The following TARS3 variants were observed in gnomAD, a reference collection of about 807,000 sequenced individuals.
The protein encoded by TARS3 is threonine--tRNA ligase 2, cytoplasmic.
TARS3 carries 94 observed loss-of-function variants against 103.5 expected under a neutral mutation model. The ratio of observed to expected loss-of-function variants is 0.91; its 90% CI spans 0.77 to 1.08. TARS3 has a LOEUF of 1.08. Among genes scored for constraint, TARS3 ranks in the 50% least tolerant of loss-of-function variants. The pLI is 0.00. For missense variants in TARS3, 952 were observed against 995.2 expected, an observed-to-expected ratio of 0.96 and a Z score of 0.58; for synonymous variants, 416 against 355.4, an observed-to-expected ratio of 1.17 and a Z score of -1.92.
At chr15:101,720,930 G>C (rs1043896274) in intron 3 of TARS3, among the ~76,000 whole-genome samples, 196 bp downstream of exon 3, 12 of 152,168 alleles carry the variant, frequency 7.9e-5, no homozygotes, top group African/African-American at 2.9e-4. Flanking sequence ...ACGACTGTAA[G>C]TTTCCTGAAG....
intron 10 of TARS3, among the ~76,000 whole-genome samples, chr15:101,692,164 G>C (rs1336906852): frequency 6.6e-6 from 1 of 152,244 alleles, no homozygotes; most frequent in Non-Finnish European, 1.5e-5. Flanking sequence ...TAGTGGAAGA[G>C]AGAGGTCTGG....
At chr15:101,662,115 C>G (rs1429636327) in intron 15 of TARS3, among the ~76,000 whole-genome samples, 1 of 152,216 alleles carries the variant, frequency 6.6e-6, no homozygotes, top group African/African-American at 2.4e-5. Flanking sequence ...CCAATCTCAT[C>G]TGATCCAAAT....
Position 101,701,190 on chromosome 15 carries a change from T to C in TARS3, c.1222-6A>G, listed in dbSNP as rs753391919. On this transcript the variant is annotated splice_region_variant and splice_polypyrimidine_tract_variant and intron_variant, in intron 9 of 18. Coordinates refer to ENST00000335968, the MANE Select transcript of TARS3 (RefSeq NM_152334.3). Reference sequence around the variant, plus strand: ...AAAAAGAAAAGTTCTTGTTCCTAGATTGAAACAAAAATTGCATTTCAAATG... The same window carrying C: ...AAAAAGAAAAGTTCTTGTTCCTAGACTGAAACAAAAATTGCATTTCAAATG... 4.4e-6 allele frequency: 7 copies of C among 1,573,456 alleles called. No homozygotes were observed. The highest frequency in any genetic ancestry group is 6.0e-6 in the Non-Finnish European group (7 of 1,163,734).
At chr15:101,678,807 T>C (rs1667411872) in intron 12 of TARS3, among the ~76,000 whole-genome samples, 1 of 152,194 alleles carries the variant, frequency 6.6e-6, no homozygotes, top group South Asian at 2.1e-4. Context: ...TTTTCATCAT[T>C]TCCTTTCTGT....
At chr15:101,712,138 A>C in intron 4 of TARS3, 137 bp from the exon 5 acceptor site, 1 of 905,128 alleles carries the variant, frequency 1.1e-6, no homozygotes, top group Non-Finnish European at 1.6e-6. Flanking sequence ...ACTTGAAAGG[A>C]AAATCTTCGA....
chr15:101,659,612 C>T (rs964366715), intron 16 of TARS3, among the ~76,000 whole-genome samples: 1 of 152,206 alleles, frequency 6.6e-6, no homozygotes, highest in African/African-American at 2.4e-5. Context: ...TCTCCATCTC[C>T]TATTTCACTA....
At chr15:101,705,345 C>T (rs965036198) in intron 7 of TARS3, among the ~76,000 whole-genome samples, 3 of 152,072 alleles carry the variant, frequency 2.0e-5, no homozygotes, top group African/African-American at 7.2e-5. Flanking sequence ...GAATCACTGC[C>T]GAGGAGATGG....
chr15:101,707,031 A>G (rs1899601443), intron 6 of TARS3, among the ~76,000 whole-genome samples: 1 of 152,252 alleles, frequency 6.6e-6, no homozygotes, highest in Non-Finnish European at 1.5e-5. Context: ...ACATTTCTCC[A>G]AAGACATTTC....
intron 10 of TARS3, among the ~76,000 whole-genome samples, chr15:101,698,515 T>C (rs1414691054): frequency 6.6e-6 from 1 of 152,136 alleles, no homozygotes; most frequent in African/African-American, 2.4e-5. Context: ...CCTGGGGCAG[T>C]GATGACCGGT....
intron 3 of TARS3, 80 bp from the exon 4 acceptor site, chr15:101,715,043 G>A (rs866072744): frequency 2.7e-6 from 3 of 1,098,142 alleles, no homozygotes; most frequent in Middle Eastern, 2.3e-4. Flanking sequence ...AATTTCTAGG[G>A]TTTTTTTTTT....
At chr15:101,714,786 G>A (rs1452943274) in intron 4 of TARS3, 54 bp downstream of exon 4, 5 of 1,562,750 alleles carry the variant, frequency 3.2e-6, no homozygotes, top group East Asian at 4.5e-5. Flanking sequence ...CTTATATAAT[G>A]TAGTTTACAA....
intron 3 of TARS3, among the ~76,000 whole-genome samples, chr15:101,715,178 G>C (rs4965917): frequency 6.9e-6 from 1 of 144,186 alleles, no homozygotes; most frequent in South Asian, 2.2e-4. Flanking sequence ...ACGGAGTCTC[G>C]CTCTGTCGCC....
chr15:101,671,888 A>G, intron 13 of TARS3, 140 bp from the exon 14 acceptor site: 1 of 714,918 alleles, frequency 1.4e-6, no homozygotes, highest in Non-Finnish European at 2.3e-6. Context: ...TACATTCAAT[A>G]AACTATTGAG....
chr15:101,705,847 T>A, intron 6 of TARS3, 100 bp from the exon 7 acceptor site: 1 of 984,022 alleles, frequency 1.0e-6, no homozygotes, highest in East Asian at 2.6e-5. Flanking sequence ...CATCTACTGA[T>A]GTTCTAGGTG....
At position 101,691,967 on chromosome 15, in the gene TARS3, T is replaced by C. The variant is rs946112258; in HGVS notation, c.1321-5905A>G. Among the ~76,000 whole-genome samples, 58 of 152,216 alleles carry C rather than the reference T, an allele frequency of 3.8e-4. 1 individual carries two copies. The highest frequency in any genetic ancestry group is 2.9e-5 in the Non-Finnish European group (2 of 68,044). On this transcript the variant is annotated intron_variant, in intron 10 of 18. Transcript: ENST00000335968. ...GGCGAGAATTACATCTCCAACTTTCTTGGACCCTCAGATCATGGGATTTCT... is the reference window on the plus strand; with the variant it reads ...GGCGAGAATTACATCTCCAACTTTCCTGGACCCTCAGATCATGGGATTTCT...
chr15:101,654,568 A>G lies in TARS3; in HGVS notation c.*14T>C. 1 of 1,604,430 alleles carries G rather than the reference A, an allele frequency of 6.2e-7. No homozygotes were observed. The highest frequency in any genetic ancestry group is 8.5e-7 in the Non-Finnish European group (1 of 1,177,558). ...AAAACAAAGTTACACAGAAGCAAAT[A>G]TCAGGGAAGGACTTCAAAAGGCCTC... On this transcript the variant is annotated 3_prime_UTR_variant, in exon 19 of 19. Transcript: ENST00000335968.
At position 101,675,609 on chromosome 15, in the gene TARS3, C is replaced by T. The variant is rs747303996; in HGVS notation, c.1779G>A (p.Glu593=). 2.2e-5 allele frequency: 36 copies of T among 1,613,026 alleles called. No individual in the cohort carries two copies. The African/African-American group carries it at 4.1e-4, about 19-fold the overall frequency. ...AAGGTGTGTCTCTTACCTTCTCAGCCTCATTCCACATCTCAATCTCTCCTA... is the reference window on the plus strand; with the variant it reads ...AAGGTGTGTCTCTTACCTTCTCAGCTTCATTCCACATCTCAATCTCTCCTA... ...NFLGEIEMWN[E]AEKQLQNSLM... Residue 593 remains glutamate (E), a synonymous_variant, in exon 13 of 19, where the codon GAG becomes GAA. Coordinates refer to ENST00000335968, the MANE Select transcript of TARS3 (RefSeq NM_152334.3).
chr15:101,676,459 G>A (rs1898030045), intron 12 of TARS3, among the ~76,000 whole-genome samples: 1 of 152,082 alleles, frequency 6.6e-6, no homozygotes, highest in Admixed American at 6.6e-5. Context: ...ATGGATTTGA[G>A]ACATCAAGTC....
intron 16 of TARS3, among the ~76,000 whole-genome samples, chr15:101,660,566 AGT>A (rs1897338240): frequency 6.6e-6 from 1 of 152,234 alleles, no homozygotes; most frequent in African/African-American, 2.4e-5. Context: ...ATCCACAGTG[AGT>A]CTCTCTTCAG....
Sources: gnomAD v4.1 joint callset for allele counts (sites outside exome capture counted in the v4.1 genomes callset) on GRCh38, gnomAD v4.1.1 for gene constraint, MANE v1.5 for transcripts, NCBI Gene and HGNC (gene_info 2026-07-23, HGNC 2026-07-21) for gene names.